FAF1: variants seen among roughly 807,000 people sequenced by gnomAD.
FAF1 encodes FAS-associated factor 1.
Under a neutral mutation model 92.5 loss-of-function variants are expected in FAF1, and 25 were observed. That is an observed-to-expected ratio of 0.27 (90% CI 0.20 to 0.38). FAF1 has a LOEUF of 0.38. Ranked by LOEUF, FAF1 falls within the 10% of genes least tolerant of loss-of-function variation. The pLI, the probability that FAF1 is intolerant of heterozygous loss-of-function variation, is 1.00. For missense variants in FAF1, 636 were observed against 793.3 expected, an observed-to-expected ratio of 0.80 and a Z score of 2.38; for synonymous variants, 234 against 273.2, an observed-to-expected ratio of 0.86 and a Z score of 1.42.
intron 6 of FAF1, among the ~76,000 whole-genome samples, chr1:50,721,270 T>C (rs1012844002): frequency 1.3e-5 from 2 of 151,800 alleles, no homozygotes; most frequent in East Asian, 1.9e-4. Context: ...CTCACTCTTA[T>C]CACCAGCGAT....
intron 7 of FAF1, among the ~76,000 whole-genome samples, chr1:50,695,004 T>C (rs1326738112): frequency 6.6e-6 from 1 of 152,032 alleles, no homozygotes; most frequent in Non-Finnish European, 1.5e-5. Flanking sequence ...ATTCTAACTG[T>C]CAGCAAAATA....
intron 6 of FAF1, among the ~76,000 whole-genome samples, chr1:50,715,350 C>G (rs1658127205): frequency 6.6e-6 from 1 of 151,986 alleles, no homozygotes; most frequent in Non-Finnish European, 1.5e-5. Context: ...GCCTGTAATC[C>G]CAGCTACTTA....
At chr1:50,538,327 A>T (rs1259332309) in intron 14 of FAF1, among the ~76,000 whole-genome samples, 3 of 152,070 alleles carry the variant, frequency 2.0e-5, no homozygotes, top group African/African-American at 7.2e-5. Flanking sequence ...TGTGCCACAT[A>T]AACTATTAAA....
intron 17 of FAF1, among the ~76,000 whole-genome samples, chr1:50,484,060 A>G (rs1399913806): frequency 6.6e-6 from 1 of 152,222 alleles, no homozygotes; most frequent in East Asian, 1.9e-4. Flanking sequence ...TCAAACGTAT[A>G]GACAATATAA....
intron 17 of FAF1, among the ~76,000 whole-genome samples, chr1:50,485,811 T>C (rs1181065601): frequency 6.6e-6 from 1 of 151,094 alleles, no homozygotes; most frequent in Non-Finnish European, 1.5e-5. Flanking sequence ...TTTACAATCA[T>C]GGTGGAAGGC....
intron 8 of FAF1, among the ~76,000 whole-genome samples, chr1:50,624,101 C>A (rs997950051): frequency 6.6e-6 from 1 of 152,148 alleles, no homozygotes; most frequent in African/African-American, 2.4e-5. Context: ...CACGTAGTTC[C>A]GTGGCAGGCA....
At chr1:50,919,217 T>G (rs1216906372) in intron 1 of FAF1, among the ~76,000 whole-genome samples, 1 of 151,734 alleles carries the variant, frequency 6.6e-6, no homozygotes, top group Non-Finnish European at 1.5e-5. Flanking sequence ...AATTTCCAGA[T>G]AAACAAAAGC....
intron 1 of FAF1, among the ~76,000 whole-genome samples, chr1:50,920,814 T>C (rs1644956407): frequency 1.3e-5 from 2 of 152,170 alleles, no homozygotes; most frequent in Non-Finnish European, 2.9e-5. Flanking sequence ...CCATACTTAA[T>C]AGTGAAAGAC....
chr1:50,786,969 T>G, intron 4 of FAF1, among the ~76,000 whole-genome samples: 1 of 152,334 alleles, frequency 6.6e-6, no homozygotes. Flanking sequence ...ACTCAATTAA[T>G]GAAATAAAAT....
At chr1:50,862,514 A>G (rs933862939) in intron 1 of FAF1, among the ~76,000 whole-genome samples, 7 of 151,870 alleles carry the variant, frequency 4.6e-5, no homozygotes, top group Non-Finnish European at 8.8e-5. Context: ...CGTATTTGTT[A>G]GCACAATAGA....
intron 13 of FAF1, among the ~76,000 whole-genome samples, chr1:50,555,657 GT>G (rs1164823439): frequency 1.3e-5 from 2 of 152,154 alleles, no homozygotes; most frequent in Non-Finnish European, 2.9e-5. Flanking sequence ...CTTATACACT[GT>G]TGGTGGGAAT....
At chr1:50,900,004 A>G (rs2124708688) in intron 1 of FAF1, among the ~76,000 whole-genome samples, 1 of 152,308 alleles carries the variant, frequency 6.6e-6, no homozygotes, top group East Asian at 1.9e-4. Context: ...TGTGAGTGCT[A>G]GAGATATTTT....
chr1:50,683,725 G>C (rs1201969168), intron 7 of FAF1, among the ~76,000 whole-genome samples: 2 of 151,984 alleles, frequency 1.3e-5, no homozygotes, highest in Non-Finnish European at 2.9e-5. Context: ...CTGAGGTAGG[G>C]AGTTCGAGAC....
At chr1:50,795,614 A>G (rs2124584176) in intron 3 of FAF1, among the ~76,000 whole-genome samples, 1 of 152,192 alleles carries the variant, frequency 6.6e-6, no homozygotes, top group South Asian at 2.1e-4. Flanking sequence ...ACACCACACT[A>G]TTTTTCATAC....
chr1:50,562,271 A>G (rs1417819039), intron 13 of FAF1, among the ~76,000 whole-genome samples: 1 of 152,234 alleles, frequency 6.6e-6, no homozygotes, highest in East Asian at 1.9e-4. Flanking sequence ...ACATATGCCA[A>G]TGCTGGATGA....
intron 12 of FAF1, among the ~76,000 whole-genome samples, chr1:50,571,229 G>A (rs1231868802): frequency 1.3e-5 from 2 of 152,158 alleles, no homozygotes; most frequent in African/African-American, 4.8e-5. Flanking sequence ...TGGCAGAGAG[G>A]GTCTAAGTCT....
intron 15 of FAF1, among the ~76,000 whole-genome samples, chr1:50,530,764 C>T (rs753182134): frequency 1.3e-5 from 2 of 152,086 alleles, no homozygotes; most frequent in Non-Finnish European, 2.9e-5. Flanking sequence ...ACATATACAC[C>T]TACTGTGTAC....
At chr1:50,684,548 C>T (rs1000189894) in intron 7 of FAF1, among the ~76,000 whole-genome samples, 1 of 152,046 alleles carries the variant, frequency 6.6e-6, no homozygotes, top group Non-Finnish European at 1.5e-5. Flanking sequence ...CAATGATATA[C>T]CGGTAAATGG....
chr1:50,533,216 C>A (rs559349364), intron 15 of FAF1, among the ~76,000 whole-genome samples: 1 of 152,016 alleles, frequency 6.6e-6, no homozygotes, highest in Non-Finnish European at 1.5e-5. Context: ...GGACTACAGG[C>A]ACGCAACACC....
Sources: allele counts gnomAD v4.1 joint callset (sites outside exome capture counted in the v4.1 genomes callset), GRCh38; gene constraint gnomAD v4.1.1; transcripts MANE v1.5; gene names NCBI Gene and HGNC (gene_info 2026-07-23, HGNC 2026-07-21).